Variants in ARV1 observed in about 807,000 individuals in gnomAD.
ARV1 encodes ARV1 fatty acid homeostasis modulator.
In ARV1, 26 loss-of-function variants were observed where a neutral mutation model predicts 31.1. The observed-to-expected ratio is 0.84, with a 90% confidence interval of 0.61 to 1.16. The LOEUF is 1.16. Among genes scored for constraint, ARV1 ranks in the 50% most tolerant of loss-of-function variants. The pLI, the probability that ARV1 is intolerant of heterozygous loss-of-function variation, is 0.00. For missense variants in ARV1, 281 were observed against 324.9 expected (o/e 0.86, Z 1.04); for synonymous variants, 117 against 123.2 (o/e 0.95, Z 0.34).
chr1:230,987,033 G>C (rs11122180), intron 1 of ARV1, among the ~76,000 whole-genome samples: 51,024 of 151,874 alleles, frequency 0.34, 8,842 homozygotes, highest in Middle Eastern at 0.57. Context: ...TCACTTAAAG[G>C]ATTTTACAGC....
chr1:230,996,639 G>T (rs1306399735), intron 4 of ARV1, among the ~76,000 whole-genome samples: 2 of 151,950 alleles, frequency 1.3e-5, no homozygotes, highest in Admixed American at 6.6e-5. Context: ...GTTTCGACAT[G>T]TTGCCAGCCT....
chr1:230,986,708 A>G (rs1429453986), intron 1 of ARV1, among the ~76,000 whole-genome samples: 4 of 69,990 alleles, frequency 5.7e-5, no homozygotes, highest in East Asian at 5.1e-4. Context: ...TTTTTTTTTG[A>G]GAGAGAGAGA....
chr1:230,991,042 T>A (rs1003625346), intron 3 of ARV1, among the ~76,000 whole-genome samples: 1 of 152,216 alleles, frequency 6.6e-6, no homozygotes, highest in Non-Finnish European at 1.5e-5. Flanking sequence ...GTTACTTATC[T>A]GAGTGCATGC....
At chr1:230,990,306 A>G (rs1679195230) in intron 3 of ARV1, 43 bp downstream of exon 3, 2 of 1,604,870 alleles carry the variant, frequency 1.2e-6, no homozygotes, top group African/African-American at 1.3e-5. Context: ...AACTATTCTT[A>G]CTTAACTAAT....
chr1:230,996,102 GTAA>G, intron 4 of ARV1, 118 bp downstream of exon 4: 1 of 748,604 alleles, frequency 1.3e-6, no homozygotes, highest in African/African-American at 1.8e-5. Flanking sequence ...TCATCGCATA[GTAA>G]TAATACCTAA....
chr1:230,990,206 T>G lies in ARV1; in HGVS notation c.391T>G (p.Leu131Val). Residue 131 changes from leucine (L) to valine (V), a missense_variant, in exon 3 of 6, where the codon TTG becomes GTG. Leu to Val is a conservative substitution (Grantham distance 32). Coordinates refer to ENST00000310256, the MANE Select transcript of ARV1 (RefSeq NM_022786.3). ...CAACCAGAATACTGCCCCTGATGAC[T>G]TGATCAGATATGCTAAGGAATGGGA... ...DSNQNTAPDD[L>V]IRYAKEWDFY... 2.5e-6 allele frequency: 4 copies of G among 1,613,334 alleles called. No homozygotes were observed. Among genetic ancestry groups the G allele is most frequent in the Non-Finnish European group, 3.4e-6 (4 of 1,179,898 alleles).
At chr1:230,984,353 T>C (rs112639221) in intron 1 of ARV1, among the ~76,000 whole-genome samples, 2 of 72,980 alleles carry the variant, frequency 2.7e-5, no homozygotes, top group African/African-American at 5.9e-5. Context: ...CGTGTGTGTG[T>C]GTGTGTGTGC....
At chr1:230,999,740 C>T (rs903997894) in intron 5 of ARV1, 2 of 152,190 alleles carry the variant, frequency 1.3e-5, no homozygotes, top group Non-Finnish European at 2.9e-5. Flanking sequence ...CGTTGACCTC[C>T]GAGTGCTCAG....
At chr1:230,982,743 C>T (rs1400303996) in intron 1 of ARV1, among the ~76,000 whole-genome samples, 2 of 152,066 alleles carry the variant, frequency 1.3e-5, no homozygotes, top group Non-Finnish European at 2.9e-5. Flanking sequence ...TTTGTTGATG[C>T]CAGACTAAAA....
rs565471216 is a variant in ARV1, at chr1:230,985,240, ACACAGCATAT to A, written c.175-3075_175-3066del. Reference sequence around the variant, plus strand: ...TGCTAAGAAGGGAAATGGGCAAAGCACACAGCATATCACATACTACCAGAAGCTGCCTCCT... The same window carrying A: ...TGCTAAGAAGGGAAATGGGCAAAGCACACATACTACCAGAAGCTGCCTCCT... On this transcript the variant is annotated intron_variant, in intron 1 of 5. Transcript: ENST00000310256. 7.9e-5 allele frequency among the ~76,000 whole-genome samples: 12 copies of A among 152,372 alleles called. No individual in the cohort carries two copies. The South Asian group carries it at 2.5e-3, about 32-fold the overall frequency.
chr1:230,988,384 C>T lies in ARV1; in HGVS notation c.239C>T (p.Ala80Val). The T allele has an allele frequency of 6.3e-7, 1 of 1,595,560 alleles. No individual in the cohort carries two copies. Among genetic ancestry groups the T allele is most frequent in the Non-Finnish European group, 8.6e-7 (1 of 1,165,360 alleles). The change falls in exon 2 of 6, where the codon GCT (alanine) becomes GTT (valine). Residue 80 changes from alanine (A) to valine (V), a missense_variant. Ala to Val is a moderately conservative substitution (Grantham distance 64). Transcript: ENST00000310256. ...GATCCTGTTATCATCTTGATTAATG[C>T]TATATTGTGCAAAGCTCAGGCCTAC... is the stretch of plus-strand genomic sequence containing the variant. ...EYDPVIILIN[A>V]ILCKAQAYRH...
intron 1 of ARV1, among the ~76,000 whole-genome samples, chr1:230,986,885 G>C (rs1021104247): frequency 4.0e-5 from 6 of 151,742 alleles, no homozygotes; most frequent in African/African-American, 1.5e-4. Flanking sequence ...CTTAATTTTT[G>C]CAGTTTGAAA....
intron 3 of ARV1, chr1:230,990,771 G>A (rs528671563): frequency 3.0e-4 from 53 of 175,768 alleles, no homozygotes; most frequent in Admixed American, 6.3e-4. Flanking sequence ...GGGTCTTTCC[G>A]TGTTGCCCAG....
At chr1:230,992,954 T>C (rs1679265919) in intron 3 of ARV1, among the ~76,000 whole-genome samples, 1 of 152,214 alleles carries the variant, frequency 6.6e-6, no homozygotes, top group Non-Finnish European at 1.5e-5. Flanking sequence ...ATTTGAAATA[T>C]ACAAAAGAAT....
At chr1:230,997,690 C>G (rs1473496345) in intron 5 of ARV1, among the ~76,000 whole-genome samples, 1 of 152,134 alleles carries the variant, frequency 6.6e-6, no homozygotes, top group East Asian at 1.9e-4. Flanking sequence ...TGCCTTGCCT[C>G]TTTTTTAACC....
intron 1 of ARV1, among the ~76,000 whole-genome samples, chr1:230,980,404 T>C (rs1227494743): frequency 6.6e-6 from 1 of 152,048 alleles, no homozygotes; most frequent in Non-Finnish European, 1.5e-5. Flanking sequence ...TGGGGCACTC[T>C]CAGCTCACTA....
At position 230,995,968 on chromosome 1, in the gene ARV1, T is replaced by A; in HGVS notation, c.657T>A (p.Asn219Lys). The A allele has an allele frequency of 6.2e-7, 1 of 1,613,112 alleles. No individual in the cohort carries two copies. Among genetic ancestry groups the A allele is most frequent in the Non-Finnish European group, 8.5e-7 (1 of 1,179,432 alleles). ...KLIKVFVLTS[N>K]FQAIRVTLNI... ...TTAAAGTATTTGTTCTTACATCAAA[T>A]TTTCAGGCAATTAGAGGTATGTTTA... Residue 219 changes from asparagine (N) to lysine (K), a missense_variant, in exon 4 of 6, where the codon AAT becomes AAA. Asn to Lys is a moderately conservative substitution (Grantham distance 94). Coordinates refer to ENST00000310256, the MANE Select transcript of ARV1 (RefSeq NM_022786.3).
intron 1 of ARV1, among the ~76,000 whole-genome samples, chr1:230,980,326 G>T (rs533522778): frequency 2.7e-5 from 4 of 149,962 alleles, no homozygotes; most frequent in Non-Finnish European, 5.9e-5. Context: ...TCTTATTTCG[G>T]TTTTTTTTTT....
At chr1:230,984,300 A>G (rs1280094940) in intron 1 of ARV1, among the ~76,000 whole-genome samples, 1 of 151,332 alleles carries the variant, frequency 6.6e-6, no homozygotes, top group Admixed American at 6.6e-5. Flanking sequence ...GAATAAATAC[A>G]ACTCCCAGTG....
Sources: allele counts gnomAD v4.1 joint callset (sites outside exome capture counted in the v4.1 genomes callset), GRCh38; gene constraint gnomAD v4.1.1; transcripts MANE v1.5; gene names NCBI Gene and HGNC (gene_info 2026-07-23, HGNC 2026-07-21).